FBXO11: variants seen among roughly 807,000 people sequenced by gnomAD.
The protein encoded by FBXO11 is F-box only protein 11.
Under a neutral mutation model 117.0 loss-of-function variants are expected in FBXO11, and 13 were observed. The observed-to-expected ratio is 0.11, with a 90% CI of 0.07 to 0.18. FBXO11 has a LOEUF of 0.18. Ranked by LOEUF, FBXO11 falls within the 10% of genes least tolerant of loss-of-function variation. The pLI, the probability that FBXO11 is intolerant of heterozygous loss-of-function variation, is 1.00. For synonymous variants in FBXO11, 490 were observed against 380.5 expected (o/e 1.29, Z -3.35); for missense variants, 767 against 1,164.4 (o/e 0.66, Z 4.97).
At chr2:47,855,931 A>T (rs1674260641) in intron 1 of FBXO11, among the ~76,000 whole-genome samples, 1 of 151,948 alleles carries the variant, frequency 6.6e-6, no homozygotes, top group Non-Finnish European at 1.5e-5. Context: ...AACAGAAGAC[A>T]GAGATATCAA....
At chr2:47,844,430 G>A (rs1673249946) in intron 1 of FBXO11, among the ~76,000 whole-genome samples, 1 of 152,106 alleles carries the variant, frequency 6.6e-6, no homozygotes, top group Non-Finnish European at 1.5e-5. Flanking sequence ...AAGGCCCAAG[G>A]CCATATATCC....
At chr2:47,848,845 T>C (rs1673621007) in intron 1 of FBXO11, among the ~76,000 whole-genome samples, 1 of 152,240 alleles carries the variant, frequency 6.6e-6, no homozygotes, top group Admixed American at 6.5e-5. Context: ...AATACCTTTT[T>C]ATATACCCTT....
intron 1 of FBXO11, among the ~76,000 whole-genome samples, chr2:47,894,111 G>A (rs1677472614): frequency 1.3e-5 from 2 of 152,122 alleles, no homozygotes; most frequent in African/African-American, 4.8e-5. Flanking sequence ...TGTATCATGA[G>A]GAATACAAGT....
intron 1 of FBXO11, among the ~76,000 whole-genome samples, chr2:47,894,723 C>G (rs908292509): frequency 5.3e-5 from 8 of 152,074 alleles, no homozygotes; most frequent in Non-Finnish European, 1.0e-4. Context: ...ATTAAAAGAA[C>G]TATTAAATGT....
intron 1 of FBXO11, chr2:47,888,571 G>C (rs765247434): frequency 3.9e-6 from 2 of 506,762 alleles, no homozygotes; most frequent in Non-Finnish European, 5.1e-6. Flanking sequence ...AAAAATAGCT[G>C]AGCAACCTTT....
intron 1 of FBXO11, among the ~76,000 whole-genome samples, chr2:47,877,016 T>G (rs968989109): frequency 6.6e-6 from 1 of 151,954 alleles, no homozygotes; most frequent in Admixed American, 6.6e-5. Context: ...CTAGTACACA[T>G]CTAATGACAT....
chr2:47,829,192 G>A (rs181083362), intron 11 of FBXO11, among the ~76,000 whole-genome samples: 2 of 151,548 alleles, frequency 1.3e-5, no homozygotes, highest in African/African-American at 4.8e-5. Flanking sequence ...ACTGCACCCG[G>A]CCTCAAAAAA....
chr2:47,837,674 A>G (rs1307989259), intron 4 of FBXO11, among the ~76,000 whole-genome samples: 1 of 152,180 alleles, frequency 6.6e-6, no homozygotes, highest in Non-Finnish European at 1.5e-5. Context: ...GCTTCCACTC[A>G]TTTTATCTAC....
chr2:47,867,145 G>A (rs950286958), intron 1 of FBXO11, among the ~76,000 whole-genome samples: 1 of 151,962 alleles, frequency 6.6e-6, no homozygotes, highest in Non-Finnish European at 1.5e-5. Context: ...CTCTTTATTG[G>A]TACAGTGCAG....
chr2:47,881,458 A>C (rs1006311539), intron 1 of FBXO11, among the ~76,000 whole-genome samples: 3 of 152,200 alleles, frequency 2.0e-5, no homozygotes, highest in African/African-American at 4.8e-5. Context: ...TAGTTCCTCA[A>C]CATGAGTAAT....
In FBXO11 at chr2:47,833,076, G is replaced by T; in HGVS notation, c.935-6C>A. 6.3e-7 allele frequency: 1 copy of T among 1,586,036 alleles called. No homozygotes were observed. Among genetic ancestry groups the T allele is most frequent in the Non-Finnish European group, 8.7e-7 (1 of 1,155,658 alleles). On this transcript the variant is annotated splice_region_variant and splice_polypyrimidine_tract_variant and intron_variant, in intron 7 of 22. Coordinates refer to ENST00000403359, the MANE Select transcript of FBXO11 (RefSeq NM_001190274.2). ...GTCTGCCACTTTCCCAGGTGCTGTGGAGAAGATATTTTAAAGAATATTACC... is the reference window on the plus strand; with the variant it reads ...GTCTGCCACTTTCCCAGGTGCTGTGTAGAAGATATTTTAAAGAATATTACC...
intron 4 of FBXO11, among the ~76,000 whole-genome samples, chr2:47,836,614 C>G (rs1357978979): frequency 6.6e-6 from 1 of 151,830 alleles, no homozygotes; most frequent in African/African-American, 2.4e-5. Flanking sequence ...CCATGCCTGG[C>G]CGAAAATTAG....
chr2:47,840,531 G>C (rs1208622255), intron 1 of FBXO11, among the ~76,000 whole-genome samples: 1 of 147,464 alleles, frequency 6.8e-6, no homozygotes, highest in Non-Finnish European at 1.5e-5. Context: ...GCTCACTGCA[G>C]CCTCAACCTC....
intron 13 of FBXO11, among the ~76,000 whole-genome samples, chr2:47,821,280 C>A (rs1212847744): frequency 1.3e-5 from 2 of 151,900 alleles, no homozygotes; most frequent in African/African-American, 4.8e-5. Context: ...GAGTTCAAAA[C>A]CAGCCTGGCC....
chr2:47,848,881 T>C (rs575150485), intron 1 of FBXO11, among the ~76,000 whole-genome samples: 12 of 152,314 alleles, frequency 7.9e-5, no homozygotes, highest in Middle Eastern at 6.8e-3. Flanking sequence ...CAAAAAATTA[T>C]ACTATTGATT....
At chr2:47,828,189 C>T (rs988359653) in intron 11 of FBXO11, among the ~76,000 whole-genome samples, 13 of 152,090 alleles carry the variant, frequency 8.5e-5, no homozygotes, top group African/African-American at 3.1e-4. Flanking sequence ...CTGTCTTGCT[C>T]AGGTTGATCT....
intron 1 of FBXO11, among the ~76,000 whole-genome samples, chr2:47,892,011 A>C (rs1471808429): frequency 6.6e-6 from 1 of 152,152 alleles, no homozygotes; most frequent in Non-Finnish European, 1.5e-5. Flanking sequence ...AATATTTTGG[A>C]GATTAACTCC....
intron 1 of FBXO11, among the ~76,000 whole-genome samples, chr2:47,890,677 C>T (rs748329421): frequency 1.3e-5 from 2 of 151,930 alleles, no homozygotes; most frequent in Non-Finnish European, 2.9e-5. Flanking sequence ...TGGTGGCAAG[C>T]GCCTATAACC....
At chr2:47,889,567 T>TA (rs1291972320) in intron 1 of FBXO11, among the ~76,000 whole-genome samples, 6 of 151,752 alleles carry the variant, frequency 4.0e-5, no homozygotes, top group East Asian at 1.9e-4. Context: ...CCTACATTTT[T>TA]AAAAAAATGG....
Sources: allele counts gnomAD v4.1 joint callset (sites outside exome capture counted in the v4.1 genomes callset), GRCh38; gene constraint gnomAD v4.1.1; transcripts MANE v1.5; gene names NCBI Gene and HGNC (gene_info 2026-07-23, HGNC 2026-07-21).